The following TENM1 variants were observed in gnomAD, a reference collection of about 807,000 sequenced individuals.
TENM1 encodes teneurin transmembrane protein 1.
In TENM1, 35 loss-of-function variants were observed where a neutral mutation model predicts 174.8. That is an observed-to-expected ratio of 0.20 (90% CI 0.15 to 0.27). TENM1 has a LOEUF of 0.27. Among genes scored for constraint, TENM1 ranks in the 10% least tolerant of loss-of-function variants. TENM1 has a pLI of 1.00. For synonymous variants in TENM1, 781 were observed against 798.7 expected, an observed-to-expected ratio of 0.98 and a Z score of 0.37; for missense variants, 1,633 against 2,130.1, an observed-to-expected ratio of 0.77 and a Z score of 4.59.
intron 3 of TENM1, among the ~76,000 whole-genome samples, chrX:124,815,974 T>C (rs1392906980): frequency 3.6e-5 from 4 of 111,897 alleles, no homozygotes; most frequent in Non-Finnish European, 7.5e-5. Context: ...TGGAAGTAAG[T>C]AAAAGAATTT....
chrX:125,184,736 T>C, the TENM1 span, among the ~76,000 whole-genome samples: 1 of 111,829 alleles, frequency 8.9e-6, no homozygotes, highest in African/African-American at 3.2e-5. Context: ...TTTTGACTTT[T>C]TTACAGCTTG....
chrX:124,925,162 A>C (rs961412623), intron 1 of TENM1, among the ~76,000 whole-genome samples: 1 of 109,508 alleles, frequency 9.1e-6, no homozygotes, highest in Non-Finnish European at 1.9e-5. Flanking sequence ...CAGAATACTA[A>C]TAAAAACTTT....
the TENM1 span, among the ~76,000 whole-genome samples, chrX:125,067,561 C>T: frequency 8.9e-6 from 1 of 111,734 alleles, no homozygotes; most frequent in African/African-American, 3.3e-5. Flanking sequence ...TCCAGTTGAC[C>T]TATTGTCTCA....
At chrX:124,911,848 C>T (rs186449885) in intron 1 of TENM1, among the ~76,000 whole-genome samples, 420 of 111,397 alleles carry the variant, frequency 3.8e-3, no homozygotes, top group African/African-American at 0.013. Context: ...CACAAATAAC[C>T]GAGTTTACAA....
At chrX:124,950,608 T>G (rs980749506) in intron 1 of TENM1, among the ~76,000 whole-genome samples, 2 of 112,002 alleles carry the variant, frequency 1.8e-5, no homozygotes, top group Non-Finnish European at 3.8e-5. Flanking sequence ...TGAAAGTTTA[T>G]GTAGAATTAT....
At chrX:124,792,415 T>C (rs1200203009) in intron 3 of TENM1, among the ~76,000 whole-genome samples, 1 of 111,864 alleles carries the variant, frequency 8.9e-6, no homozygotes, top group Non-Finnish European at 1.9e-5. Context: ...TCATCCGAAG[T>C]ATTCTTGAAG....
intron 18 of TENM1, among the ~76,000 whole-genome samples, chrX:124,509,172 C>T (rs893597086): frequency 9.0e-6 from 1 of 110,873 alleles, no homozygotes; most frequent in African/African-American, 3.3e-5. Flanking sequence ...AGAGTGTAAC[C>T]AGGAAATTTA....
intron 3 of TENM1, among the ~76,000 whole-genome samples, chrX:124,818,940 A>G (rs2055970076): frequency 8.9e-6 from 1 of 111,871 alleles, no homozygotes; most frequent in East Asian, 2.8e-4. Flanking sequence ...GTAACATTAA[A>G]CATTAAAAAC....
chrX:124,510,319 G>T (rs2047552857), intron 18 of TENM1, among the ~76,000 whole-genome samples: 2 of 112,283 alleles, frequency 1.8e-5, no homozygotes, highest in African/African-American at 6.5e-5. Context: ...CTACTAAGGG[G>T]GAAGACCCGC....
intron 23 of TENM1, among the ~76,000 whole-genome samples, chrX:124,437,215 G>C (rs2060852611): frequency 9.7e-6 from 1 of 103,143 alleles, no homozygotes; most frequent in Non-Finnish European, 1.9e-5. Context: ...GCCTCCCAAA[G>C]TGCTGGGATT....
chrX:124,518,450 T>C (rs2047767547), intron 18 of TENM1, among the ~76,000 whole-genome samples: 1 of 110,061 alleles, frequency 9.1e-6, no homozygotes, highest in Non-Finnish European at 1.9e-5. Context: ...GGAGAGTAAG[T>C]AGCACAAAGT....
At chrX:125,144,232 T>C in the TENM1 span, among the ~76,000 whole-genome samples, 5 of 111,677 alleles carry the variant, frequency 4.5e-5, no homozygotes, top group South Asian at 1.1e-3. Context: ...AATTTAAACA[T>C]TGAATAATAT....
intron 6 of TENM1, among the ~76,000 whole-genome samples, chrX:124,660,118 T>C (rs1235528473): frequency 9.0e-6 from 1 of 110,716 alleles, no homozygotes; most frequent in Non-Finnish European, 1.9e-5. Flanking sequence ...AAGAAAAAAA[T>C]ACATAAATTG....
At chrX:125,032,044 A>T in the TENM1 span, among the ~76,000 whole-genome samples, 3 of 111,959 alleles carry the variant, frequency 2.7e-5, no homozygotes, top group East Asian at 8.4e-4. Context: ...GGATGAGAGA[A>T]CAAACAAGAG....
intron 18 of TENM1, 32 bp from the exon 22 acceptor site, chrX:124,503,735 A>T: frequency 1.7e-6 from 2 of 1,146,207 alleles, no homozygotes; most frequent in Non-Finnish European, 2.3e-6. Flanking sequence ...CACATTAGAA[A>T]ACTGTAAAAT....
intron 22 of TENM1, among the ~76,000 whole-genome samples, chrX:124,467,203 A>G (rs763412460): frequency 1.3e-4 from 15 of 112,065 alleles, no homozygotes; most frequent in Non-Finnish European, 2.3e-4. Context: ...CAAATGGAAT[A>G]GCTAGTAAAT....
the TENM1 span, among the ~76,000 whole-genome samples, chrX:125,078,980 T>C: frequency 1.4e-4 from 16 of 111,479 alleles, no homozygotes; most frequent in African/African-American, 4.9e-4. Flanking sequence ...ACGAATAAAC[T>C]GACACCAGGA....
chrX:124,520,459 A>G (rs1433271924), intron 18 of TENM1, 58 bp downstream of exon 21: 1 of 996,757 alleles, frequency 1.0e-6, no homozygotes, highest in Non-Finnish European at 1.4e-6. Context: ...ACATGTAACA[A>G]GTATTTTCTG....
At chrX:124,980,604 A>T in the TENM1 span, among the ~76,000 whole-genome samples, 1 of 111,815 alleles carries the variant, frequency 8.9e-6, no homozygotes, top group South Asian at 3.7e-4. Flanking sequence ...AATATGATAA[A>T]TTTAATAATG....
Sources: allele counts gnomAD v4.1 joint callset (sites outside exome capture counted in the v4.1 genomes callset), GRCh38; gene constraint gnomAD v4.1.1; transcripts MANE v1.5; gene names NCBI Gene and HGNC (gene_info 2026-07-23, HGNC 2026-07-21).